Variants in GRB14 observed in about 807,000 individuals in gnomAD.
GRB14 encodes the protein growth factor receptor bound protein 14.
In GRB14, 38 loss-of-function variants were observed where a neutral mutation model predicts 69.1. The observed-to-expected ratio is 0.55, with a 90% confidence interval of 0.42 to 0.72. The LOEUF is 0.72. Among genes scored for constraint, GRB14 ranks in the 30% least tolerant of loss-of-function variants. The pLI is 0.00. For synonymous variants in GRB14, 247 were observed against 241.3 expected (o/e 1.02, Z -0.22); for missense variants, 666 against 666.1 (o/e 1.00, Z 0.00).
intron 2 of GRB14, among the ~76,000 whole-genome samples, chr2:164,580,284 G>A (rs1689368670): frequency 6.6e-6 from 1 of 151,874 alleles, no homozygotes; most frequent in Non-Finnish European, 1.5e-5. Context: ...GTAGAGACGG[G>A]GTTTTGCCAT....
intron 2 of GRB14, among the ~76,000 whole-genome samples, chr2:164,604,891 G>A (rs1335189369): frequency 2.6e-5 from 4 of 152,148 alleles, no homozygotes; most frequent in Non-Finnish European, 5.9e-5. Context: ...TATTCAATGG[G>A]TATAGAATTT....
At chr2:164,512,109 C>T (rs1687354933) in intron 6 of GRB14, among the ~76,000 whole-genome samples, 1 of 152,098 alleles carries the variant, frequency 6.6e-6, no homozygotes, top group Non-Finnish European at 1.5e-5. Flanking sequence ...GCCTGCTAAG[C>T]CACAGTAGAA....
intron 8 of GRB14, among the ~76,000 whole-genome samples, chr2:164,504,299 T>A (rs1480783016): frequency 6.6e-6 from 1 of 152,030 alleles, no homozygotes; most frequent in African/African-American, 2.4e-5. Context: ...AGATAATATC[T>A]CCTTGTTCAT....
chr2:164,564,532 T>A (rs1688918649), intron 2 of GRB14, among the ~76,000 whole-genome samples: 1 of 152,206 alleles, frequency 6.6e-6, no homozygotes, highest in Non-Finnish European at 1.5e-5. Context: ...ATAAATGGCA[T>A]TGCTCCGTAT....
At chr2:164,493,897 C>T (rs1424625392) in intron 13 of GRB14, among the ~76,000 whole-genome samples, 1 of 152,130 alleles carries the variant, frequency 6.6e-6, no homozygotes, top group Non-Finnish European at 1.5e-5. Context: ...CACACCCACA[C>T]AGACACACAG....
chr2:164,527,684 T>G (rs1005019280), intron 3 of GRB14, among the ~76,000 whole-genome samples: 7 of 152,046 alleles, frequency 4.6e-5, no homozygotes, highest in African/African-American at 1.7e-4. Context: ...GATACAGGTT[T>G]TTTTTAAGAA....
At chr2:164,539,487 A>T (rs184524661) in intron 3 of GRB14, among the ~76,000 whole-genome samples, 8 of 148,184 alleles carry the variant, frequency 5.4e-5, no homozygotes, top group Non-Finnish European at 1.0e-4. Context: ...AAAAAAAAAT[A>T]CTAATAAGAT....
rs75022505 is a variant in GRB14, at chr2:164,590,201, C to T, written c.324+29486G>A. Among the ~76,000 whole-genome samples, 3 of 152,194 alleles carry T rather than the reference C, an allele frequency of 2.0e-5. No homozygotes were observed. The South Asian group carries it at 6.2e-4, about 31-fold the overall frequency. ...ATGTGTCCAGGTCACATAAGGAACT[C>T]AGAGCCTCATTACTTTCTTCATATA... On this transcript the variant is annotated intron_variant, in intron 2 of 13. Coordinates refer to ENST00000263915, the MANE Select transcript of GRB14 (RefSeq NM_004490.3).
intron 2 of GRB14, among the ~76,000 whole-genome samples, chr2:164,580,326 C>T (rs928867147): frequency 3.3e-5 from 5 of 151,838 alleles, no homozygotes; most frequent in Non-Finnish European, 4.4e-5. Flanking sequence ...CTCCTGACCT[C>T]AGGTGATTTG....
chr2:164,579,135 A>G (rs558751886), intron 2 of GRB14, among the ~76,000 whole-genome samples: 4 of 152,306 alleles, frequency 2.6e-5, no homozygotes, highest in African/African-American at 9.6e-5. Flanking sequence ...CTTACTTAAC[A>G]TTGTCAATCA....
At chr2:164,575,182 T>C (rs1689223405) in intron 2 of GRB14, among the ~76,000 whole-genome samples, 1 of 152,124 alleles carries the variant, frequency 6.6e-6, no homozygotes, top group South Asian at 2.1e-4. Flanking sequence ...ATGAAATCCT[T>C]GAAAAAAGAA....
At chr2:164,554,536 C>A (rs1166730218) in intron 2 of GRB14, among the ~76,000 whole-genome samples, 2 of 152,072 alleles carry the variant, frequency 1.3e-5, no homozygotes, top group African/African-American at 4.8e-5. Flanking sequence ...ATAAACAGAG[C>A]GTCCAAAGAA....
intron 2 of GRB14, among the ~76,000 whole-genome samples, chr2:164,614,236 C>A (rs1690233493): frequency 6.6e-6 from 1 of 152,098 alleles, no homozygotes; most frequent in African/African-American, 2.4e-5. Flanking sequence ...TGTTTGAAAC[C>A]CTAATAGGAG....
intron 2 of GRB14, among the ~76,000 whole-genome samples, chr2:164,587,236 T>A (rs1689560173): frequency 6.6e-6 from 1 of 152,102 alleles, no homozygotes; most frequent in Admixed American, 6.6e-5. Context: ...CAGATGACAA[T>A]GGATCAATGT....
rs756308651 is a variant in GRB14 at position 164,493,139 on chromosome 2, T to C, written c.1520A>G (p.His507Arg). Reference sequence around the variant, plus strand: ...CTGTATTAGATCTGTAAATCTTGTGTGGCCATCATCCAGTGTGTGGAACAT... The same window carrying C: ...CTGTATTAGATCTGTAAATCTTGTGCGGCCATCATCCAGTGTGTGGAACAT... ...GEMFHTLDDG[H>R]TRFTDLIQLV... Residue 507 changes from histidine to arginine, a missense_variant, in exon 14 of 14, where the codon CAC becomes CGC. His to Arg is a conservative substitution (Grantham distance 29). Coordinates refer to ENST00000263915, the MANE Select transcript of GRB14 (RefSeq NM_004490.3). The C allele has an allele frequency of 1.2e-6, 2 of 1,613,620 alleles. No individual in the cohort carries two copies. The highest frequency in any genetic ancestry group is 1.3e-5 in the African/African-American group (1 of 75,036).
chr2:164,494,334 A>T, intron 13 of GRB14, 97 bp downstream of exon 13: 2 of 687,224 alleles, frequency 2.9e-6, no homozygotes, highest in Non-Finnish European at 5.1e-6. Context: ...AAAGACCAAA[A>T]GAAAACCAAA....
At chr2:164,545,726 C>T (rs1227059987) in intron 3 of GRB14, among the ~76,000 whole-genome samples, 3 of 152,142 alleles carry the variant, frequency 2.0e-5, no homozygotes, top group Admixed American at 6.5e-5. Context: ...ACTGCCATAA[C>T]GAACTCCTTC....
rs566408743 is a variant in GRB14 at position 164,527,303 on chromosome 2, G to C, written c.482-168C>G. Among the ~76,000 whole-genome samples, 106 of 149,018 alleles carry C rather than the reference G, an allele frequency of 7.1e-4. 1 individual carries two copies. The highest frequency in any genetic ancestry group is 1.2e-3 in the Non-Finnish European group (84 of 67,212). On this transcript the variant is annotated intron_variant, in intron 3 of 13. Transcript: ENST00000263915. Reference sequence around the variant, plus strand: ...CAGATTTCAACTTAATTATGAGATAGCCAGATTGATAAAATTTGTCATCAA... The same window carrying C: ...CAGATTTCAACTTAATTATGAGATACCCAGATTGATAAAATTTGTCATCAA...
chr2:164,563,440 G>C (rs1688886586), intron 2 of GRB14, among the ~76,000 whole-genome samples: 1 of 152,108 alleles, frequency 6.6e-6, no homozygotes, highest in Admixed American at 6.6e-5. Context: ...CTTGTATCCA[G>C]AGTTGGCCAA....
Sources: gnomAD v4.1 joint callset for allele counts (sites outside exome capture counted in the v4.1 genomes callset) on GRCh38, gnomAD v4.1.1 for gene constraint, MANE v1.5 for transcripts, NCBI Gene and HGNC (gene_info 2026-07-23, HGNC 2026-07-21) for gene names.